Variants in PLXNA2 observed in about 807,000 individuals in gnomAD.
The protein encoded by PLXNA2 is plexin-A2.
PLXNA2 carries 91 observed loss-of-function variants against 193.5 expected under a neutral mutation model. The observed-to-expected ratio is 0.47, with a 90% CI of 0.40 to 0.56. PLXNA2 has a LOEUF of 0.56. Among genes scored for constraint, PLXNA2 ranks in the 20% least tolerant of loss-of-function variants. The pLI is 0.00. For synonymous variants in PLXNA2, 997 were observed against 1,027.3 expected, an observed-to-expected ratio of 0.97 and a Z score of 0.56; for missense variants, 1,995 against 2,503.2, an observed-to-expected ratio of 0.80 and a Z score of 4.33.
chr1:208,123,105 C>T (rs1469490994), intron 4 of PLXNA2, among the ~76,000 whole-genome samples: 1 of 152,184 alleles, frequency 6.6e-6, no homozygotes, highest in East Asian at 1.9e-4. Flanking sequence ...CCCTAGGCAA[C>T]ACCAATCGAC....
chr1:208,219,308 G>C, intron 1 of PLXNA2, among the ~76,000 whole-genome samples: 1 of 152,268 alleles, frequency 6.6e-6, no homozygotes, highest in Non-Finnish European at 1.5e-5. Context: ...AGGTCAGAGA[G>C]CAGGACCTGG....
Position 208,240,676 on chromosome 1 carries a change from C to A in PLXNA2, c.-81+2967G>T, listed in dbSNP as rs546836623. Among the ~76,000 whole-genome samples the A allele has an allele frequency of 4.7e-5, 7 of 149,948 alleles. 1 individual carries two copies. The highest frequency in any genetic ancestry group is 1.7e-4 in the African/African-American group (7 of 40,544). The stretch of plus-strand genomic sequence containing the variant: ...CCCAGCACCTCAAAGCCTGTTTCTA[C>A]CAGTTTCCCTATGGACAGTCAGTCC... On this transcript the variant is annotated intron_variant, in intron 1 of 31. Transcript: ENST00000367033.
At chr1:208,239,484 T>C (rs1485426268) in intron 1 of PLXNA2, among the ~76,000 whole-genome samples, 8 of 152,240 alleles carry the variant, frequency 5.3e-5, no homozygotes, top group Non-Finnish European at 8.8e-5. Flanking sequence ...CTCCTGCATC[T>C]TGATCTACAT....
chr1:208,040,823 G>T (rs1571851663), intron 22 of PLXNA2, among the ~76,000 whole-genome samples: 1 of 152,216 alleles, frequency 6.6e-6, no homozygotes, highest in Non-Finnish European at 1.5e-5. Flanking sequence ...GCCAACAGGG[G>T]ATTTGCTCAT....
chr1:208,034,102 A>C (rs996481815), intron 27 of PLXNA2, among the ~76,000 whole-genome samples: 5 of 152,236 alleles, frequency 3.3e-5, no homozygotes, highest in African/African-American at 1.2e-4. Context: ...CCTCGGACTA[A>C]TTTATTGATC....
intron 3 of PLXNA2, among the ~76,000 whole-genome samples, chr1:208,206,503 G>T (rs1466202291): frequency 6.6e-6 from 1 of 152,126 alleles, no homozygotes; most frequent in Admixed American, 6.5e-5. Context: ...GACCTTCATT[G>T]CATATGCTTT....
rs541608502 is a variant in PLXNA2, at chr1:208,068,603, C to T, written c.2587-7766G>A. Among the ~76,000 whole-genome samples, 8 of 152,280 alleles carry T rather than the reference C, an allele frequency of 5.3e-5. No individual in the cohort carries two copies. The South Asian group carries it at 6.2e-4, about 12-fold the overall frequency. On this transcript the variant is annotated intron_variant, in intron 12 of 31. Transcript: ENST00000367033. ...TGCATCTTTTGAGAGTGTAGTGACC[C>T]GCACTCGGGTCGTGCCTTCAGCAAA...
Position 208,216,809 on chromosome 1 carries a change from G to T in PLXNA2, c.1114C>A (p.Gln372Lys), listed in dbSNP as rs748904410. ...TTGCCCTCGCCCTGGTAGCAGGACT[G>T]CAGGCGCTCCTTGATCTGCAAGTTG... ...AINLQIKERLQSCYQGEGNLE... is the reference protein window; with the variant it reads ...AINLQIKERLKSCYQGEGNLE... Residue 372 changes from glutamine to lysine, a missense_variant, in exon 2 of 32, where the codon CAG (glutamine) becomes AAG (lysine). This residue lies in a region of PLXNA2 where 702 missense variants were observed against 812.9 expected (regional missense o/e 0.86). Coordinates refer to ENST00000367033, the MANE Select transcript of PLXNA2 (RefSeq NM_025179.4). 6.2e-6 allele frequency: 10 copies of T among 1,614,186 alleles called. No homozygotes were observed. The East Asian group carries it at 1.1e-4, about 18-fold the overall frequency.
intron 12 of PLXNA2, among the ~76,000 whole-genome samples, chr1:208,072,428 T>C (rs1183069884): frequency 6.6e-6 from 1 of 152,184 alleles, no homozygotes; most frequent in African/African-American, 2.4e-5. Context: ...CTGGTGTTCA[T>C]CTCCTGCATC....
chr1:208,038,257 G>T lies in PLXNA2; in HGVS notation c.4764+114C>A. On this transcript the variant is annotated intron_variant, in intron 26 of 31. Transcript: ENST00000367033. This position sits in a 1 kb window ranked among gnomAD's most constrained non-coding sequence, Gnocchi z 4.1. ...ATCCCTGTTCTATGCTCCAGCAGGA[G>T]GAGGAAAGCAGGGAGAGGAAAATCC... is the stretch of plus-strand genomic sequence containing the variant. 1 of 742,300 alleles carries T rather than the reference G, an allele frequency of 1.3e-6. No homozygotes were observed. Among genetic ancestry groups the T allele is most frequent in the South Asian group, 1.6e-5 (1 of 63,350 alleles). 46.0% of individuals were successfully genotyped at this position (742,300 alleles called of 1,614,324 possible).
intron 1 of PLXNA2, among the ~76,000 whole-genome samples, chr1:208,240,527 TG>T (rs1672013248): frequency 6.6e-6 from 1 of 152,188 alleles, no homozygotes; most frequent in African/African-American, 2.4e-5. Flanking sequence ...CATCATTGTT[TG>T]AACTGAGCAT....
chr1:208,046,326 C>T (rs1665062807), intron 17 of PLXNA2, among the ~76,000 whole-genome samples: 1 of 152,090 alleles, frequency 6.6e-6, no homozygotes, highest in Admixed American at 6.5e-5. Context: ...ATTCATTCAC[C>T]AACGCTATTT....
chr1:208,235,924 G>T (rs1024862710), intron 1 of PLXNA2, among the ~76,000 whole-genome samples: 2 of 152,182 alleles, frequency 1.3e-5, no homozygotes, highest in African/African-American at 4.8e-5. Flanking sequence ...CTCAGGGGGT[G>T]GGGTGTTTGC....
chr1:208,231,441 A>G (rs773085296), intron 1 of PLXNA2, among the ~76,000 whole-genome samples: 4 of 152,102 alleles, frequency 2.6e-5, no homozygotes, highest in Non-Finnish European at 4.4e-5. Context: ...CATGTTCCGC[A>G]CCGGATGAAG....
rs1004107215 is a variant in PLXNA2 at position 208,170,922 on chromosome 1, A to G, written c.1372-28459T>C. ...CAGAGAGCAAGACAGAGGAAGAAAA[A>G]TAACAAGAAGTAATGCCAGTGAGCA... On this transcript the variant is annotated intron_variant, in intron 3 of 31. Transcript: ENST00000367033. Among the ~76,000 whole-genome samples, 9 of 152,378 alleles carry G rather than the reference A, an allele frequency of 5.9e-5. No individual in the cohort carries two copies. The East Asian group carries it at 1.2e-3, about 20-fold the overall frequency.
At chr1:208,051,835 A>G (rs1277340536) in intron 15 of PLXNA2, among the ~76,000 whole-genome samples, 2 of 152,206 alleles carry the variant, frequency 1.3e-5, no homozygotes, top group African/African-American at 2.4e-5. Flanking sequence ...ATTATCAGGT[A>G]GATAATCCTG....
chr1:208,226,512 C>A (rs756280705), intron 1 of PLXNA2, among the ~76,000 whole-genome samples: 1 of 152,078 alleles, frequency 6.6e-6, no homozygotes, highest in Non-Finnish European at 1.5e-5. Flanking sequence ...GATGTGCACT[C>A]ATCTGAGGGG....
At chr1:208,095,378 C>A (rs1013495227) in intron 8 of PLXNA2, among the ~76,000 whole-genome samples, 2 of 152,218 alleles carry the variant, frequency 1.3e-5, no homozygotes, top group Non-Finnish European at 2.9e-5. Flanking sequence ...CACCAACTGG[C>A]AGGCATTCAG....
chr1:208,190,866 T>C (rs1016375142), intron 3 of PLXNA2, among the ~76,000 whole-genome samples: 2 of 152,202 alleles, frequency 1.3e-5, no homozygotes, highest in Non-Finnish European at 2.9e-5. Context: ...ACTCTAATAA[T>C]GGGCGTTGCT....
Sources: allele counts gnomAD v4.1 joint callset (sites outside exome capture counted in the v4.1 genomes callset), GRCh38; gene constraint gnomAD v4.1.1; regional missense constraint gnomAD v4.1.1; non-coding constraint Gnocchi (gnomAD v3.1); transcripts MANE v1.5; gene names NCBI Gene and HGNC (gene_info 2026-07-23, HGNC 2026-07-21).